Variants in SNTG1 observed in about 807,000 individuals in gnomAD.
SNTG1 encodes the protein gamma-1-syntrophin.
A neutral mutation model predicts 74.7 loss-of-function variants in SNTG1; 39 were observed. The observed-to-expected ratio is 0.52, with a 90% CI of 0.40 to 0.68. SNTG1 has a LOEUF of 0.68. Among genes scored for constraint, SNTG1 ranks in the 30% least tolerant of loss-of-function variants. The probability of loss-of-function intolerance (pLI) is 0.00; values close to 1 mark genes in which losing one functional copy is unlikely to be tolerated. For missense variants in SNTG1, 685 were observed against 609.5 expected (o/e 1.12, Z -1.30); for synonymous variants, 254 against 217.1 (o/e 1.17, Z -1.49).
chr8:50,701,794 C>T (rs1166919808), intron 15 of SNTG1, among the ~76,000 whole-genome samples: 1 of 145,726 alleles, frequency 6.9e-6, no homozygotes, highest in East Asian at 2.0e-4. Context: ...CTTCCTCCTC[C>T]TCCTCCTCTT....
At chr8:50,377,076 A>AAGCACATAGAAAGGAGGCTGC (rs2092401686) in intron 2 of SNTG1, among the ~76,000 whole-genome samples, 1 of 152,082 alleles carries the variant, frequency 6.6e-6, no homozygotes, top group African/African-American at 2.4e-5. Flanking sequence ...ATAAAATAAT[A>AAGCACATAGAAAGGAGGCTGC]AGCACATAGA....
chr8:49,971,413 C>T lies in SNTG1; in HGVS notation c.-103+59182C>T, dbSNP rs537112613. On this transcript the variant is annotated intron_variant, in intron 1 of 18. Coordinates refer to ENST00000642720, the MANE Select transcript of SNTG1 (RefSeq NM_018967.5). ...TGACAAACCCACAGCCAATATCATA[C>T]TGAATGGGCAAAAACTGGGAGCACT... 5.9e-5 allele frequency among the ~76,000 whole-genome samples: 9 copies of T among 152,246 alleles called. 1 individual carries two copies. In the South Asian group the frequency reaches 1.7e-3, roughly 28 times the overall value.
intron 15 of SNTG1, among the ~76,000 whole-genome samples, chr8:50,695,838 T>C (rs1412965651): frequency 6.6e-6 from 1 of 151,440 alleles, no homozygotes; most frequent in African/African-American, 2.4e-5. Context: ...TTGAATTATA[T>C]ATACATATAT....
intron 17 of SNTG1, among the ~76,000 whole-genome samples, chr8:50,717,164 A>G (rs1028788361): frequency 1.3e-5 from 2 of 152,320 alleles, no homozygotes; most frequent in East Asian, 1.9e-4. Context: ...TCTTTGGCTA[A>G]TATATACTTT....
At chr8:50,431,126 A>C (rs910318294) in intron 4 of SNTG1, among the ~76,000 whole-genome samples, 4 of 152,202 alleles carry the variant, frequency 2.6e-5, no homozygotes, top group Non-Finnish European at 5.9e-5. Flanking sequence ...TTCCTTCTTT[A>C]GTCCTGAATA....
chr8:50,484,773 C>T (rs1200584895), intron 8 of SNTG1, among the ~76,000 whole-genome samples: 1 of 151,290 alleles, frequency 6.6e-6, no homozygotes, highest in African/African-American at 2.4e-5. Context: ...ACAGGGGAAT[C>T]GCTTGAACTC....
At chr8:50,258,111 G>A (rs759558370) in intron 2 of SNTG1, among the ~76,000 whole-genome samples, 1 of 152,160 alleles carries the variant, frequency 6.6e-6, no homozygotes, top group African/African-American at 2.4e-5. Flanking sequence ...AGTAACAAAT[G>A]AAACAACAGC....
At chr8:50,574,909 GTA>G (rs1268417155) in intron 12 of SNTG1, among the ~76,000 whole-genome samples, 8 of 152,124 alleles carry the variant, frequency 5.3e-5, no homozygotes, top group Admixed American at 6.5e-5. Context: ...ATGTGTGAAA[GTA>G]TATTAACATG....
chr8:50,151,621 A>G (rs901759601), intron 1 of SNTG1, among the ~76,000 whole-genome samples: 1 of 152,040 alleles, frequency 6.6e-6, no homozygotes, highest in East Asian at 1.9e-4. Flanking sequence ...CTTTGTTCTC[A>G]TTGGTTTCAA....
intron 1 of SNTG1, among the ~76,000 whole-genome samples, chr8:49,978,111 G>C (rs1318706245): frequency 6.6e-6 from 1 of 152,222 alleles, no homozygotes; most frequent in South Asian, 2.1e-4. Context: ...ATGTTGAAAT[G>C]TAGGTCACTC....
chr8:50,129,895 C>T (rs2131395497), intron 1 of SNTG1, among the ~76,000 whole-genome samples: 1 of 152,228 alleles, frequency 6.6e-6, no homozygotes, highest in East Asian at 1.9e-4. Flanking sequence ...GCCTCCACCT[C>T]CCAAAGTACT....
intron 15 of SNTG1, among the ~76,000 whole-genome samples, chr8:50,664,715 A>G (rs1262031901): frequency 1.3e-5 from 2 of 152,164 alleles, no homozygotes; most frequent in African/African-American, 4.8e-5. Context: ...ATTCAGGAGT[A>G]CAGTTGCAAT....
intron 2 of SNTG1, among the ~76,000 whole-genome samples, chr8:50,187,933 A>G (rs1277092773): frequency 6.6e-6 from 1 of 152,138 alleles, no homozygotes; most frequent in Admixed American, 6.6e-5. Flanking sequence ...CTATATCCAA[A>G]TCAGCCCAGG....
At chr8:50,506,611 T>G (rs2094008850) in intron 9 of SNTG1, among the ~76,000 whole-genome samples, 1 of 152,080 alleles carries the variant, frequency 6.6e-6, no homozygotes, top group East Asian at 1.9e-4. Context: ...TCAATAAAAT[T>G]GTTTTTTTAT....
intron 2 of SNTG1, among the ~76,000 whole-genome samples, chr8:50,242,481 TC>T (rs1259944491): frequency 5.1e-5 from 7 of 136,220 alleles, no homozygotes; most frequent in Non-Finnish European, 9.1e-5. Flanking sequence ...TGAGCCAAAA[TC>T]ATGCCACTGC....
At chr8:50,300,895 T>G (rs2089615949) in intron 2 of SNTG1, among the ~76,000 whole-genome samples, 1 of 152,194 alleles carries the variant, frequency 6.6e-6, no homozygotes, top group Admixed American at 6.5e-5. Context: ...AACATCCTTC[T>G]GCTGCCTTCT....
At chr8:50,344,744 G>C (rs1020381722) in intron 2 of SNTG1, among the ~76,000 whole-genome samples, 1 of 152,130 alleles carries the variant, frequency 6.6e-6, no homozygotes, top group Non-Finnish European at 1.5e-5. Context: ...TGGAATTCTT[G>C]AGTACTGCCC....
At chr8:50,322,053 A>AT (rs1359945556) in intron 2 of SNTG1, among the ~76,000 whole-genome samples, 3 of 151,906 alleles carry the variant, frequency 2.0e-5, no homozygotes, top group Admixed American at 6.6e-5. Context: ...GATTCAGATG[A>AT]TTTTTTATTG....
chr8:50,077,093 G>A (rs1318333629), intron 1 of SNTG1, among the ~76,000 whole-genome samples: 1 of 152,122 alleles, frequency 6.6e-6, no homozygotes, highest in Non-Finnish European at 1.5e-5. Flanking sequence ...GTTTGGTTTG[G>A]TGGCTTTTGT....
Sources: allele counts gnomAD v4.1 joint callset (sites outside exome capture counted in the v4.1 genomes callset), GRCh38; gene constraint gnomAD v4.1.1; transcripts MANE v1.5; gene names NCBI Gene and HGNC (gene_info 2026-07-23, HGNC 2026-07-21).